The following ITGAE variants were observed in gnomAD, a reference collection of about 807,000 sequenced individuals.
The protein encoded by ITGAE is integrin alpha-E.
Under a neutral mutation model 136.5 loss-of-function variants are expected in ITGAE, and 99 were observed. The ratio of observed to expected loss-of-function variants is 0.73; its 90% CI spans 0.62 to 0.86. The LOEUF (loss-of-function observed/expected upper bound fraction) is 0.86. ITGAE is among the 40% of genes least tolerant of loss of function. The pLI, the probability that ITGAE is intolerant of heterozygous loss-of-function variation, is 0.00. For missense variants in ITGAE, 1,447 were observed against 1,515.3 expected, an observed-to-expected ratio of 0.95 and a Z score of 0.75; for synonymous variants, 613 against 591.8, an observed-to-expected ratio of 1.04 and a Z score of -0.52.
intron 17 of ITGAE, among the ~76,000 whole-genome samples, chr17:3,746,206 G>A (rs2051710035): frequency 6.6e-6 from 1 of 152,204 alleles, no homozygotes; most frequent in Non-Finnish European, 1.5e-5. Context: ...TCGGGAAGGG[G>A]ATCGAGATTG....
intron 1 of ITGAE, among the ~76,000 whole-genome samples, chr17:3,785,524 A>G (rs957163926): frequency 1.3e-5 from 2 of 150,242 alleles, no homozygotes; most frequent in Non-Finnish European, 3.0e-5. Flanking sequence ...GGAAGGAAGG[A>G]AGGAAGGAAG....
chr17:3,764,284 G>A (rs2052241521), intron 2 of ITGAE, among the ~76,000 whole-genome samples: 2 of 152,226 alleles, frequency 1.3e-5, no homozygotes, highest in Admixed American at 1.3e-4. Flanking sequence ...CAGCGTTGGG[G>A]TTGGTTCTGT....
At chr17:3,754,268 A>T (rs1019279090) in intron 12 of ITGAE, among the ~76,000 whole-genome samples, 5 of 151,578 alleles carry the variant, frequency 3.3e-5, no homozygotes, top group Non-Finnish European at 2.9e-5. Flanking sequence ...TATTATTTTT[A>T]TTTATTTATT....
chr17:3,797,225 G>A (rs1187551300), intron 1 of ITGAE, among the ~76,000 whole-genome samples: 1 of 142,354 alleles, frequency 7.0e-6, no homozygotes, highest in Non-Finnish European at 1.5e-5. Context: ...GAGTGCAGTG[G>A]CGCAATCTCG....
chr17:3,746,472 C>T (rs1337544087), intron 17 of ITGAE, among the ~76,000 whole-genome samples: 58 of 147,704 alleles, frequency 3.9e-4, no homozygotes, highest in African/African-American at 1.1e-3. Context: ...TTTTTTTTTC[C>T]TTTGAGACAG....
chr17:3,751,548 C>G (rs912559413), intron 15 of ITGAE, 102 bp downstream of exon 15: 1 of 1,053,376 alleles, frequency 9.5e-7, no homozygotes, highest in African/African-American at 1.6e-5. Flanking sequence ...CCCCCGAGAC[C>G]TGCCCAGCAC....
chr17:3,755,964 C>A, intron 10 of ITGAE, 67 bp from the exon 11 acceptor site: 1 of 1,484,886 alleles, frequency 6.7e-7, no homozygotes, highest in African/African-American at 1.4e-5. Flanking sequence ...AGTCAGGGGA[C>A]AGTCCAGCTT....
chr17:3,715,137 T>A (rs2050918179), intron 30 of ITGAE, among the ~76,000 whole-genome samples, 195 bp from the exon 31 acceptor site: 1 of 152,184 alleles, frequency 6.6e-6, no homozygotes, highest in Non-Finnish European at 1.5e-5. Flanking sequence ...CATCCCTCAA[T>A]CAGAACTGAC....
chr17:3,786,535 T>C (rs745872491), intron 1 of ITGAE, among the ~76,000 whole-genome samples: 1 of 152,138 alleles, frequency 6.6e-6, no homozygotes, highest in Non-Finnish European at 1.5e-5. Flanking sequence ...CAACCGTCTC[T>C]CTCGAACATA....
At chr17:3,792,989 C>T (rs1244595820) in intron 1 of ITGAE, among the ~76,000 whole-genome samples, 1 of 152,208 alleles carries the variant, frequency 6.6e-6, no homozygotes, top group Non-Finnish European at 1.5e-5. Flanking sequence ...GTAGAAAACA[C>T]AGGAAACATA....
intron 27 of ITGAE, 76 bp from the exon 28 acceptor site, chr17:3,723,459 A>G (rs1026304911): frequency 1.0e-4 from 119 of 1,156,232 alleles, no homozygotes; most frequent in Non-Finnish European, 1.5e-4. Context: ...CTTCGGACAC[A>G]GAGCATCGTA....
intron 20 of ITGAE, among the ~76,000 whole-genome samples, chr17:3,737,377 G>C (rs773869838): frequency 6.6e-6 from 1 of 151,690 alleles, no homozygotes; most frequent in Non-Finnish European, 1.5e-5. Context: ...CGAAAAAGAG[G>C]CAGGGGAGGG....
At chr17:3,764,746 C>T (rs1420635006) in intron 2 of ITGAE, among the ~76,000 whole-genome samples, 2 of 152,148 alleles carry the variant, frequency 1.3e-5, no homozygotes, top group Non-Finnish European at 2.9e-5. Context: ...GTGGCTGCCT[C>T]AGCCTGATTA....
Position 3,760,002 on chromosome 17 carries a change from C to T in ITGAE, c.714+170G>A, listed in dbSNP as rs149711388. Among the ~76,000 whole-genome samples, 697 of 152,240 alleles carry T rather than the reference C, an allele frequency of 4.6e-3. 4 individuals are homozygous for T. Among genetic ancestry groups the T allele is most frequent in the African/African-American group, 0.015 (642 of 41,534 alleles). ...ATCCAGCCCCAGTCAAGCAACCAGA[C>T]GCCTGCAGCTCCAGGGTAACTCCAG... On this transcript the variant is annotated intron_variant, in intron 7 of 30. Transcript: ENST00000263087.
At chr17:3,756,391 G>A (rs942870387) in intron 10 of ITGAE, among the ~76,000 whole-genome samples, 1 of 149,450 alleles carries the variant, frequency 6.7e-6, no homozygotes, top group Admixed American at 6.7e-5. Context: ...GCGCCACCAC[G>A]CCTGGCTAAT....
At chr17:3,767,091 CT>C (rs774955924) in intron 2 of ITGAE, among the ~76,000 whole-genome samples, 2,810 of 142,350 alleles carry the variant, frequency 0.02, 31 homozygotes, top group Middle Eastern at 0.036. Flanking sequence ...TCTCCAAATT[CT>C]TTTTTTTTTT....
At chr17:3,725,491 A>G (rs2051189487) in intron 26 of ITGAE, 1 of 1,614,088 alleles carries the variant, frequency 6.2e-7, no homozygotes, top group African/African-American at 1.3e-5. Flanking sequence ...GAAGGACCAG[A>G]TTTAGTCAAT....
At position 3,757,878 on chromosome 17, in the gene ITGAE, A is replaced by G. The variant is rs1244659382; in HGVS notation, c.867-19T>C. 1 of 1,613,672 alleles carries G rather than the reference A, an allele frequency of 6.2e-7. No homozygotes were observed. Among genetic ancestry groups the G allele is most frequent in the Non-Finnish European group, 8.5e-7 (1 of 1,179,792 alleles). On this transcript the variant is annotated intron_variant, in intron 8 of 30. Transcript: ENST00000263087. ...GCTGTCTCTAAGCAGGGGAGAGTAA[A>G]TGAAGAAGAGAGCTTTGCCAGAAGG...
rs2052166298 is a variant in ITGAE, at chr17:3,761,442, C to A, written c.394G>T (p.Asp132Tyr). ...TTGGCCTGAGCCTGGGGACGGAGGTCAGGGCCCAGGAGGCTACAGGTGCCT... is the reference window on the plus strand; with the variant it reads ...TTGGCCTGAGCCTGGGGACGGAGGTAAGGGCCCAGGAGGCTACAGGTGCCT... ...LTGTCSLLGP[D>Y]LRPQAQANFF... The change falls in exon 5 of 31, where the codon GAC (aspartate) becomes TAC (tyrosine). Residue 132 changes from aspartate to tyrosine, a missense_variant. Physicochemically the swap from Asp to Tyr is radical, Grantham distance 160. This residue lies in a region of ITGAE where 310 missense variants were observed against 416.1 expected (regional missense o/e 0.74). Coordinates refer to ENST00000263087, the MANE Select transcript of ITGAE (RefSeq NM_002208.5). 1 of 1,613,804 alleles carries A rather than the reference C, an allele frequency of 6.2e-7. No homozygotes were observed.
Sources: gnomAD v4.1 joint callset for allele counts (sites outside exome capture counted in the v4.1 genomes callset) on GRCh38, gnomAD v4.1.1 for gene constraint, gnomAD v4.1.1 regional missense constraint, MANE v1.5 for transcripts, NCBI Gene and HGNC (gene_info 2026-07-23, HGNC 2026-07-21) for gene names.